SPPL3: variants seen among roughly 807,000 people sequenced by gnomAD.
SPPL3 encodes signal peptide peptidase-like 3.
Under a neutral mutation model 42.4 loss-of-function variants are expected in SPPL3, and 5 were observed. That is an observed-to-expected ratio of 0.12 (90% CI 0.06 to 0.25). SPPL3 has a LOEUF of 0.25. Ranked by LOEUF, SPPL3 falls within the 10% of genes least tolerant of loss-of-function variation. The pLI, the probability that SPPL3 is intolerant of heterozygous loss-of-function variation, is 1.00. For missense variants in SPPL3, 235 were observed against 489.0 expected (o/e 0.48, Z 4.90); for synonymous variants, 195 against 181.8 (o/e 1.07, Z -0.58).
chr12:120,872,694 T>C (rs1226297692), intron 1 of SPPL3, among the ~76,000 whole-genome samples: 1 of 152,010 alleles, frequency 6.6e-6, no homozygotes, highest in Non-Finnish European at 1.5e-5. Flanking sequence ...TGGAAAGCAA[T>C]AGGGCCAACA....
intron 3 of SPPL3, among the ~76,000 whole-genome samples, chr12:120,785,652 T>C (rs190360653): frequency 6.6e-6 from 1 of 151,958 alleles, no homozygotes; most frequent in African/African-American, 2.4e-5. Flanking sequence ...AAAGAAATCT[T>C]CATATGATCT....
chr12:120,789,934 T>G (rs530413388), intron 3 of SPPL3, among the ~76,000 whole-genome samples: 1 of 151,890 alleles, frequency 6.6e-6, no homozygotes, highest in African/African-American at 2.4e-5. Flanking sequence ...GAGGTAAACT[T>G]AGACATAATA....
At chr12:120,798,121 A>C (rs1413477806) in intron 2 of SPPL3, among the ~76,000 whole-genome samples, 1 of 152,166 alleles carries the variant, frequency 6.6e-6, no homozygotes, top group Non-Finnish European at 1.5e-5. Context: ...CCCCAGCAGG[A>C]CCAAAACACA....
At chr12:120,784,442 T>C (rs768716586) in intron 4 of SPPL3, 32 bp downstream of exon 4, 1 of 1,534,576 alleles carries the variant, frequency 6.5e-7, no homozygotes, top group East Asian at 2.4e-5. Flanking sequence ...CCTTTTAGTA[T>C]GTTAAGACTA....
chr12:120,839,246 A>T (rs988959859), intron 1 of SPPL3, among the ~76,000 whole-genome samples: 5 of 151,434 alleles, frequency 3.3e-5, no homozygotes, highest in Non-Finnish European at 7.4e-5. Flanking sequence ...TTCTCAGTGA[A>T]CTACTGCAAG....
At chr12:120,845,613 T>A (rs945705743) in intron 1 of SPPL3, 6 of 455,180 alleles carry the variant, frequency 1.3e-5, no homozygotes, top group Non-Finnish European at 2.1e-5. Flanking sequence ...TTCTTTTCTG[T>A]CAAAAAGGCC....
intron 1 of SPPL3, among the ~76,000 whole-genome samples, chr12:120,887,143 T>C (rs980810345): frequency 1.9e-4 from 29 of 151,866 alleles, no homozygotes; most frequent in Admixed American, 1.3e-4. Context: ...AGAGATGGGG[T>C]TTCACCATAC....
chr12:120,833,062 A>G (rs1247483156), intron 1 of SPPL3, among the ~76,000 whole-genome samples: 1 of 152,238 alleles, frequency 6.6e-6, no homozygotes, highest in Non-Finnish European at 1.5e-5. Context: ...TAAGCACTAT[A>G]GGAGTTCAGA....
chr12:120,894,507 G>A (rs550988106), intron 1 of SPPL3, among the ~76,000 whole-genome samples: 1 of 152,336 alleles, frequency 6.6e-6, no homozygotes, highest in African/African-American at 2.4e-5. Context: ...AGGTCACAAT[G>A]ACTGTATAAC....
At position 120,808,077 on chromosome 12, in the gene SPPL3, GTTTCT is replaced by G. The variant is rs1425558025; in HGVS notation, c.101+2727_101+2731del. 2.2e-4 allele frequency among the ~76,000 whole-genome samples: 32 copies of G among 145,386 alleles called. No homozygotes were observed. The East Asian group carries it at 3.6e-3, about 16-fold the overall frequency. On this transcript the variant is annotated intron_variant, in intron 2 of 10. Transcript: ENST00000353487. ...TTTCATTTTGGGCTTCAGTTTCTTA[GTTTCT>G]TTTCTTTTTTTTTTTTTTTTGTTTT...
chr12:120,898,345 C>T (rs1379533953), intron 1 of SPPL3, among the ~76,000 whole-genome samples: 2 of 136,438 alleles, frequency 1.5e-5, no homozygotes, highest in Non-Finnish European at 1.5e-5. Context: ...AGATGGGTAG[C>T]ACAGAGCAGC....
chr12:120,767,959 A>G (rs1245365687), intron 8 of SPPL3, among the ~76,000 whole-genome samples: 2 of 152,246 alleles, frequency 1.3e-5, no homozygotes, highest in East Asian at 3.8e-4. Context: ...AAAGCAGCAC[A>G]TTCATTCTGC....
intron 1 of SPPL3, among the ~76,000 whole-genome samples, chr12:120,887,075 G>A (rs1029441722): frequency 5.0e-4 from 76 of 151,792 alleles, no homozygotes; most frequent in African/African-American, 1.8e-3. Context: ...CCAGGTTCAA[G>A]CAATTCTTGT....
chr12:120,848,051 T>C (rs1872102087), intron 1 of SPPL3, among the ~76,000 whole-genome samples: 1 of 152,160 alleles, frequency 6.6e-6, no homozygotes, highest in African/African-American at 2.4e-5. Context: ...ATCACACTGG[T>C]GTGAGATAAG....
chr12:120,893,020 G>A (rs1391588944), intron 1 of SPPL3, among the ~76,000 whole-genome samples: 1 of 151,050 alleles, frequency 6.6e-6, no homozygotes. Context: ...AAAATTTAGT[G>A]GACAATATAC....
intron 1 of SPPL3, among the ~76,000 whole-genome samples, chr12:120,895,563 C>T (rs1162916218): frequency 6.6e-6 from 1 of 152,168 alleles, no homozygotes; most frequent in African/African-American, 2.4e-5. Context: ...GTGGCATCCT[C>T]AATATAAAGG....
At chr12:120,883,218 T>C (rs1270651621) in intron 1 of SPPL3, among the ~76,000 whole-genome samples, 3 of 151,870 alleles carry the variant, frequency 2.0e-5, no homozygotes, top group South Asian at 4.2e-4. Flanking sequence ...GGCAGGAGAA[T>C]GGCATGAACC....
intron 1 of SPPL3, among the ~76,000 whole-genome samples, chr12:120,893,257 T>C (rs1873702151): frequency 6.6e-6 from 1 of 151,796 alleles, no homozygotes; most frequent in African/African-American, 2.4e-5. Context: ...GAGACCATCC[T>C]GGCTAACACA....
At chr12:120,766,194 G>T (rs544710836) in intron 10 of SPPL3, 69 bp downstream of exon 10, 1 of 1,289,198 alleles carries the variant, frequency 7.8e-7, no homozygotes. Flanking sequence ...CTCCAGCGAG[G>T]AGAGTGCAAA....
Sources: allele counts gnomAD v4.1 joint callset (sites outside exome capture counted in the v4.1 genomes callset), GRCh38; gene constraint gnomAD v4.1.1; transcripts MANE v1.5; gene names NCBI Gene and HGNC (gene_info 2026-07-23, HGNC 2026-07-21).